The following RIMBP2 variants were observed in gnomAD, a reference collection of about 807,000 sequenced individuals.
RIMBP2 encodes the protein RIMS-binding protein 2.
In RIMBP2, 48 loss-of-function variants were observed where a neutral mutation model predicts 118.6. That is an observed-to-expected ratio of 0.40 (90% CI 0.32 to 0.51). RIMBP2 has a LOEUF of 0.51. Ranked by LOEUF, RIMBP2 falls within the 20% of genes least tolerant of loss-of-function variation. RIMBP2 has a pLI of 0.41. For missense variants in RIMBP2, 1,551 were observed against 1,768.3 expected (o/e 0.88, Z 2.20); for synonymous variants, 762 against 742.9 (o/e 1.03, Z -0.42).
intron 2 of RIMBP2, among the ~76,000 whole-genome samples, chr12:130,580,926 G>GGC (rs2058433630): frequency 2.0e-5 from 3 of 149,442 alleles, no homozygotes; most frequent in Admixed American, 2.0e-4. Context: ...ACCCAGCAAT[G>GGC]GTGTGTGTGT....
At chr12:130,673,390 A>G (rs2064288489) in intron 1 of RIMBP2, among the ~76,000 whole-genome samples, 3 of 152,236 alleles carry the variant, frequency 2.0e-5, no homozygotes, top group Admixed American at 2.0e-4. Context: ...GGTACCCCCA[A>G]AACCAAACCT....
At chr12:130,567,378 T>C (rs937820989) in intron 2 of RIMBP2, among the ~76,000 whole-genome samples, 4 of 152,334 alleles carry the variant, frequency 2.6e-5, no homozygotes, top group African/African-American at 7.2e-5. Flanking sequence ...AGTTTGCATA[T>C]GTTCTGAAAA....
intron 11 of RIMBP2, among the ~76,000 whole-genome samples, chr12:130,441,108 A>C (rs2078083223): frequency 6.6e-6 from 1 of 152,172 alleles, no homozygotes; most frequent in Non-Finnish European, 1.5e-5. Flanking sequence ...CATCTCTTTT[A>C]TACAAGCCAC....
rs1371312789 is a variant in RIMBP2 at position 130,428,218 on chromosome 12, T to C, written c.2373A>G (p.Gly791=). 6 of 1,613,014 alleles carry C rather than the reference T, an allele frequency of 3.7e-6. No individual in the cohort carries two copies. The highest frequency in any genetic ancestry group is 5.1e-6 in the Non-Finnish European group (6 of 1,179,542). The change falls in exon 15 of 23, where the codon GGA becomes GGG. Residue 791 remains glycine, a synonymous_variant. Transcript: ENST00000690449. ...LYSEMQLEDG[G]RRRPSGTSHN... ...GGGACGTGCCGCTGGGCCGCCTCCT[T>C]CCCCCATCTTCCAGCTGCATTTCAG...
At chr12:130,695,768 G>A (rs937878173) in intron 1 of RIMBP2, among the ~76,000 whole-genome samples, 2 of 152,108 alleles carry the variant, frequency 1.3e-5, no homozygotes, top group African/African-American at 4.8e-5. Flanking sequence ...CTAGGTGAAG[G>A]GCAGGCTGGT....
intron 2 of RIMBP2, among the ~76,000 whole-genome samples, chr12:130,550,357 T>C (rs532071167): frequency 6.6e-6 from 1 of 152,306 alleles, no homozygotes; most frequent in Non-Finnish European, 1.5e-5. Context: ...CCTGAAAACA[T>C]AAAGACAGCC....
chr12:130,540,656 GT>G (rs2139543335), intron 2 of RIMBP2, among the ~76,000 whole-genome samples: 1 of 152,218 alleles, frequency 6.6e-6, no homozygotes, highest in South Asian at 2.1e-4. Flanking sequence ...CCTAATTCCT[GT>G]TTTCCCCACA....
chr12:130,626,037 A>G (rs1043097140), intron 2 of RIMBP2, among the ~76,000 whole-genome samples: 3 of 152,242 alleles, frequency 2.0e-5, no homozygotes, highest in African/African-American at 7.2e-5. Context: ...CATTATATTA[A>G]TAATGAAAAT....
At chr12:130,535,743 A>ATG (rs2053990562) in intron 2 of RIMBP2, among the ~76,000 whole-genome samples, 2 of 18,416 alleles carry the variant, frequency 1.1e-4, no homozygotes, top group East Asian at 2.9e-3. Context: ...ATATACATAT[A>ATG]TATATATATA....
At position 130,600,830 on chromosome 12, in the gene RIMBP2, T is replaced by C. The variant is rs180844184; in HGVS notation, c.-217+27492A>G. Among the ~76,000 whole-genome samples, 312 of 149,692 alleles carry C rather than the reference T, an allele frequency of 2.1e-3. 1 individual carries two copies. Among genetic ancestry groups the C allele is most frequent in the African/African-American group, 7.5e-3 (293 of 39,066 alleles). On this transcript the variant is annotated intron_variant, in intron 2 of 22. Coordinates refer to ENST00000690449, the MANE Select transcript of RIMBP2 (RefSeq NM_001393629.1). ...ATCCGGTAGTTCATCTGAAAACTCA[T>C]TTAACTGAATGCTCCAAGGGATGAC...
chr12:130,607,532 A>T (rs1363561469), intron 2 of RIMBP2, among the ~76,000 whole-genome samples: 1 of 151,846 alleles, frequency 6.6e-6, no homozygotes, highest in Non-Finnish European at 1.5e-5. Flanking sequence ...CGGTGGGAAC[A>T]TGCTGCTTAT....
At position 130,664,429 on chromosome 12, in the gene RIMBP2, A is replaced by ACG. The variant is rs1491556490; in HGVS notation, c.-351-35974_-351-35973insCG. Among the ~76,000 whole-genome samples, 34 of 64,616 alleles carry ACG rather than the reference A, an allele frequency of 5.3e-4. 4 individuals carry two copies. Among genetic ancestry groups the ACG allele is most frequent in the Non-Finnish European group, 1.3e-3 (33 of 24,836 alleles). 42.4% of individuals were successfully genotyped at this position (64,616 alleles called of 152,430 possible). On this transcript the variant is annotated intron_variant, in intron 1 of 22. Transcript: ENST00000690449. Reference sequence around the variant, plus strand: ...CACGCACGCACACACACGCACACACATGCATGCACGCACACACGCACACAC... The same window carrying ACG: ...CACGCACGCACACACACGCACACACACGTGCATGCACGCACACACGCACACAC...
chr12:130,446,956 T>C lies in RIMBP2; in HGVS notation c.582-1687A>G, dbSNP rs377009753. Among the ~76,000 whole-genome samples the C allele has an allele frequency of 5.7e-5, 8 of 140,746 alleles. No individual in the cohort carries two copies. Among genetic ancestry groups the C allele is most frequent in the Non-Finnish European group, 1.1e-4 (7 of 66,374 alleles). The allele number at this position is 140,746 out of a possible 152,430, so 92.3% of individuals were successfully genotyped here. On this transcript the variant is annotated intron_variant, in intron 9 of 22. Transcript: ENST00000690449. The surrounding 1 kb of genome is among the most constrained non-coding windows in gnomAD (Gnocchi z 4.1). ...AGGTGCAGGAGGACCCTCGGCTTTC[T>C]GGCCTCAGGGTGAGCAGGCGGGGAC... is the stretch of plus-strand genomic sequence containing the variant.
At chr12:130,697,220 G>A (rs1347438372) in intron 1 of RIMBP2, among the ~76,000 whole-genome samples, 2 of 152,208 alleles carry the variant, frequency 1.3e-5, no homozygotes, top group African/African-American at 4.8e-5. Flanking sequence ...GAGAATTCCA[G>A]ACCCAAGAAG....
In RIMBP2 at chr12:130,515,498, T is replaced by C. The variant is rs181141665; in HGVS notation, c.-127+2330A>G. Among the ~76,000 whole-genome samples, 196 of 152,294 alleles carry C rather than the reference T, an allele frequency of 1.3e-3. 1 individual carries two copies. Among genetic ancestry groups the C allele is most frequent in the Non-Finnish European group, 1.3e-4 (9 of 68,032 alleles). ...GCCCTTTGGGACTGGCTTATTCACT[T>C]AGCAAAATGTCCCCAAGGTTCATCC... On this transcript the variant is annotated intron_variant, in intron 3 of 22. Coordinates refer to ENST00000690449, the MANE Select transcript of RIMBP2 (RefSeq NM_001393629.1).
chr12:130,541,299 T>C (rs1356523135), intron 2 of RIMBP2, among the ~76,000 whole-genome samples: 1 of 152,226 alleles, frequency 6.6e-6, no homozygotes, highest in Non-Finnish European at 1.5e-5. Flanking sequence ...GGACGCTTGC[T>C]TTCTGTGATC....
chr12:130,549,802 A>T (rs1255940043), intron 2 of RIMBP2, among the ~76,000 whole-genome samples: 2 of 152,196 alleles, frequency 1.3e-5, no homozygotes, highest in Non-Finnish European at 2.9e-5. Flanking sequence ...TACTGTGAAT[A>T]GTGCTGCAAT....
rs542658949 is a variant in RIMBP2 at position 130,500,381 on chromosome 12, C to G, written c.-4+6267G>C. Reference sequence around the variant, plus strand: ...GCTGAGGCAGGAGTATCGCTTGAACCTGGCAGGCGGAGGTTGCAGTGAGCC... The same window carrying G: ...GCTGAGGCAGGAGTATCGCTTGAACGTGGCAGGCGGAGGTTGCAGTGAGCC... On this transcript the variant is annotated intron_variant, in intron 4 of 22. Coordinates refer to ENST00000690449, the MANE Select transcript of RIMBP2 (RefSeq NM_001393629.1). 2.0e-5 allele frequency among the ~76,000 whole-genome samples: 3 copies of G among 152,312 alleles called. No homozygotes were observed. The East Asian group carries it at 5.8e-4, about 29-fold the overall frequency.
intron 5 of RIMBP2, among the ~76,000 whole-genome samples, chr12:130,478,082 C>T (rs918421736): frequency 2.6e-5 from 4 of 152,216 alleles, no homozygotes; most frequent in African/African-American, 7.2e-5. Flanking sequence ...ACAGCAGGAC[C>T]GTGGCTGAGG....
Sources: allele counts gnomAD v4.1 joint callset (sites outside exome capture counted in the v4.1 genomes callset), GRCh38; gene constraint gnomAD v4.1.1; non-coding constraint Gnocchi (gnomAD v3.1); transcripts MANE v1.5; gene names NCBI Gene and HGNC (gene_info 2026-07-23, HGNC 2026-07-21).